Variants in AOAH observed in about 807,000 individuals in gnomAD.
AOAH encodes acyloxyacyl hydrolase, also known as acyloxyacyl hydrolase (neutrophil).
A neutral mutation model predicts 92.2 loss-of-function variants in AOAH; 64 were observed. That is an observed-to-expected ratio of 0.69 (90% CI 0.57 to 0.86). The LOEUF (loss-of-function observed/expected upper bound fraction) is 0.86, where lower values mean the gene tolerates loss of function less well. Among genes scored for constraint, AOAH ranks in the 40% least tolerant of loss-of-function variants. AOAH has a pLI of 0.00. For synonymous variants in AOAH, 263 were observed against 254.5 expected (o/e 1.03, Z -0.32); for missense variants, 656 against 694.6 (o/e 0.94, Z 0.62).
chr7:36,702,360 T>C (rs1470752889), intron 1 of AOAH, among the ~76,000 whole-genome samples: 1 of 152,238 alleles, frequency 6.6e-6, no homozygotes, highest in East Asian at 1.9e-4. Flanking sequence ...CTGCCAGCAC[T>C]GAGTCTTCTC....
chr7:36,713,393 C>T (rs1217636396), intron 1 of AOAH, among the ~76,000 whole-genome samples: 1 of 151,964 alleles, frequency 6.6e-6, no homozygotes, highest in Non-Finnish European at 1.5e-5. Flanking sequence ...ACTTTAACAC[C>T]CCACTGTCAA....
chr7:36,694,948 A>AAG (rs10625179), intron 1 of AOAH, among the ~76,000 whole-genome samples: 87,933 of 151,402 alleles, frequency 0.58, 25,800 homozygotes, highest in East Asian at 0.83. Flanking sequence ...GAGGGAGAGA[A>AAG]AGAGAGAGAG....
chr7:36,514,776 G>C, intron 20 of AOAH: 1 of 552,292 alleles, frequency 1.8e-6, no homozygotes, highest in Non-Finnish European at 3.2e-6. Context: ...CCACAGGGCA[G>C]CTCACAGTCC....
At chr7:36,577,030 T>C (rs987836256) in intron 12 of AOAH, among the ~76,000 whole-genome samples, 3 of 151,818 alleles carry the variant, frequency 2.0e-5, no homozygotes, top group African/African-American at 7.3e-5. Flanking sequence ...CTTTCTTTTT[T>C]TTTTTTTTTT....
chr7:36,559,243 G>T (rs1787075009), intron 13 of AOAH, among the ~76,000 whole-genome samples: 1 of 152,200 alleles, frequency 6.6e-6, no homozygotes, highest in African/African-American at 2.4e-5. Flanking sequence ...TAGAATAATT[G>T]ATTTTCTTTT....
intron 16 of AOAH, among the ~76,000 whole-genome samples, chr7:36,537,827 T>G (rs972404067): frequency 3.9e-5 from 6 of 151,930 alleles, no homozygotes; most frequent in South Asian, 2.1e-4. Flanking sequence ...CCAGCCTAGT[T>G]GCACCCCTCT....
chr7:36,632,174 G>A, intron 5 of AOAH, 68 bp from the exon 6 acceptor site: 1 of 1,343,086 alleles, frequency 7.4e-7, no homozygotes, highest in Non-Finnish European at 1.0e-6. Context: ...CCTTCTAAAG[G>A]CCCCTCTGAA....
chr7:36,595,420 C>T (rs1453914568), intron 11 of AOAH, among the ~76,000 whole-genome samples: 2 of 152,244 alleles, frequency 1.3e-5, no homozygotes, highest in Middle Eastern at 3.4e-3. Context: ...GTGGTCCCAG[C>T]TACATGGGAG....
intron 1 of AOAH, among the ~76,000 whole-genome samples, chr7:36,716,995 A>G (rs1360378249): frequency 6.6e-6 from 1 of 151,162 alleles, no homozygotes; most frequent in African/African-American, 2.4e-5. Context: ...TAAATAAATA[A>G]ATAAATAAAT....
intron 10 of AOAH, 93 bp from the exon 11 acceptor site, chr7:36,616,567 A>AT (rs1346630182): frequency 1.0e-6 from 1 of 1,000,434 alleles, no homozygotes; most frequent in Non-Finnish European, 1.5e-6. Flanking sequence ...CCTAGTGTGT[A>AT]TTCCAGGCAC....
intron 15 of AOAH, among the ~76,000 whole-genome samples, chr7:36,541,175 C>T (rs539380690): frequency 2.6e-5 from 4 of 152,218 alleles, no homozygotes; most frequent in Non-Finnish European, 5.9e-5. Context: ...GACTTGCATG[C>T]ATTTCCTGAT....
chr7:36,673,353 C>T lies in AOAH; in HGVS notation c.290+590G>A, dbSNP rs1796041231. On this transcript the variant is annotated intron_variant, in intron 3 of 20. Transcript: ENST00000617537. ...AAGAGTTTGAGACTATCCTGGCCAA[C>T]ATGGTGAAACCCCATCTCTACTAAG... Among the ~76,000 whole-genome samples the T allele has an allele frequency of 1.3e-5, 2 of 152,116 alleles. 1 individual carries two copies. Among genetic ancestry groups the T allele is most frequent in the South Asian group, 4.1e-4 (2 of 4,822 alleles).
intron 13 of AOAH, among the ~76,000 whole-genome samples, chr7:36,566,788 T>G (rs796765495): frequency 1.3e-5 from 2 of 152,200 alleles, no homozygotes; most frequent in Admixed American, 1.3e-4. Context: ...GAAAAATGCC[T>G]CACGTAAGCA....
chr7:36,618,446 A>C, intron 9 of AOAH, 101 bp from the exon 10 acceptor site: 2 of 1,028,938 alleles, frequency 1.9e-6, no homozygotes, highest in East Asian at 2.4e-5. Flanking sequence ...AAGGCAAATG[A>C]GTAGATAAAA....
At chr7:36,609,629 T>C (rs1791282674) in intron 11 of AOAH, among the ~76,000 whole-genome samples, 1 of 150,730 alleles carries the variant, frequency 6.6e-6, no homozygotes, top group Admixed American at 6.6e-5. Flanking sequence ...CCAGCTCTGT[T>C]CCCCTGCTTT....
intron 1 of AOAH, among the ~76,000 whole-genome samples, chr7:36,706,088 T>C (rs1358925978): frequency 1.3e-5 from 2 of 152,172 alleles, no homozygotes; most frequent in Non-Finnish European, 2.9e-5. Flanking sequence ...GACATAGGCA[T>C]GTGCAAAGAC....
At chr7:36,713,091 C>G (rs993958393) in intron 1 of AOAH, among the ~76,000 whole-genome samples, 7 of 152,190 alleles carry the variant, frequency 4.6e-5, no homozygotes, top group African/African-American at 1.7e-4. Context: ...AAACCCATCT[C>G]ACATGCAGAA....
chr7:36,670,235 A>G (rs1261988584), intron 3 of AOAH, among the ~76,000 whole-genome samples: 1 of 152,206 alleles, frequency 6.6e-6, no homozygotes, highest in African/African-American at 2.4e-5. Flanking sequence ...AGTAAAACTA[A>G]ATCATGAGGT....
At chr7:36,570,958 A>C (rs559093985) in intron 13 of AOAH, among the ~76,000 whole-genome samples, 9 of 152,298 alleles carry the variant, frequency 5.9e-5, no homozygotes, top group African/African-American at 2.2e-4. Context: ...TCTGTTCCCC[A>C]TGGGACTGGA....
Sources: gnomAD v4.1 joint callset for allele counts (sites outside exome capture counted in the v4.1 genomes callset) on GRCh38, gnomAD v4.1.1 for gene constraint, MANE v1.5 for transcripts, NCBI Gene and HGNC (gene_info 2026-07-23, HGNC 2026-07-21) for gene names.